The following MYRIP variants were observed in gnomAD, a reference collection of about 807,000 sequenced individuals.
MYRIP encodes rab effector MyRIP.
A neutral mutation model predicts 98.0 loss-of-function variants in MYRIP; 49 were observed. The ratio of observed to expected loss-of-function variants is 0.50; its 90% CI spans 0.40 to 0.63. MYRIP has a LOEUF of 0.63. Among genes scored for constraint, MYRIP ranks in the 30% least tolerant of loss-of-function variants. The probability of loss-of-function intolerance (pLI) is 0.00; values close to 1 mark genes in which losing one functional copy is unlikely to be tolerated. For synonymous variants in MYRIP, 404 were observed against 409.5 expected (o/e 0.99, Z 0.16); for missense variants, 1,004 against 1,058.2 (o/e 0.95, Z 0.71).
chr3:39,997,346 A>G (rs7650152), intron 2 of MYRIP, among the ~76,000 whole-genome samples: 73,441 of 151,460 alleles, frequency 0.48, 18,977 homozygotes, highest in African/African-American at 0.69. Flanking sequence ...AAATGATAAA[A>G]GGGATATCAC....
At chr3:39,887,472 C>A (rs1003439279) in intron 1 of MYRIP, among the ~76,000 whole-genome samples, 2 of 152,050 alleles carry the variant, frequency 1.3e-5, no homozygotes, top group African/African-American at 4.8e-5. Context: ...TGACAAAATT[C>A]AACAATGCTT....
intron 3 of MYRIP, among the ~76,000 whole-genome samples, chr3:40,126,602 A>T (rs1244023235): frequency 6.6e-6 from 1 of 152,216 alleles, no homozygotes; most frequent in Admixed American, 6.5e-5. Flanking sequence ...TATTCTCGTC[A>T]TTTGTATCTG....
intron 2 of MYRIP, among the ~76,000 whole-genome samples, chr3:39,935,697 G>T (rs1042079697): frequency 9.2e-5 from 14 of 152,144 alleles, no homozygotes; most frequent in African/African-American, 2.9e-4. Context: ...AGTCAATGCA[G>T]AGATGTTACT....
chr3:39,924,394 T>C (rs894976786), intron 2 of MYRIP, among the ~76,000 whole-genome samples: 4 of 152,064 alleles, frequency 2.6e-5, no homozygotes, highest in African/African-American at 9.7e-5. Context: ...GAGAGGGGCA[T>C]TGCATAATGA....
chr3:40,059,415 C>A (rs916863982), intron 3 of MYRIP, among the ~76,000 whole-genome samples: 1 of 152,178 alleles, frequency 6.6e-6, no homozygotes, highest in African/African-American at 2.4e-5. Context: ...TAAAAGCGTT[C>A]CTGTTTCTCC....
chr3:39,933,386 A>T (rs1193889899), intron 2 of MYRIP, among the ~76,000 whole-genome samples: 1 of 152,230 alleles, frequency 6.6e-6, no homozygotes, highest in Non-Finnish European at 1.5e-5. Context: ...ATCTGTTAGA[A>T]TCACAAAATC....
intron 13 of MYRIP, among the ~76,000 whole-genome samples, chr3:40,247,098 G>C (rs1215912000): frequency 7.2e-5 from 11 of 152,168 alleles, no homozygotes. Flanking sequence ...GATTTTGCAG[G>C]AAGTAATATT....
intron 12 of MYRIP, chr3:40,242,449 C>T (rs1414492483): frequency 6.6e-6 from 1 of 151,112 alleles, no homozygotes; most frequent in Non-Finnish European, 1.5e-5. Context: ...AACATTCTGG[C>T]CTTGCTGAGG....
intron 4 of MYRIP, among the ~76,000 whole-genome samples, chr3:40,158,848 G>C (rs1301561980): frequency 2.1e-4 from 31 of 149,260 alleles, no homozygotes; most frequent in Middle Eastern, 6.9e-3. Context: ...CCATTTGCTT[G>C]GTAGATCTTC....
intron 2 of MYRIP, among the ~76,000 whole-genome samples, chr3:40,004,311 A>G (rs534035795): frequency 2.6e-5 from 4 of 152,264 alleles, no homozygotes; most frequent in African/African-American, 9.6e-5. Context: ...ATGCCCAGGA[A>G]GGGTTTCCAC....
At chr3:39,973,342 A>C (rs940980499) in intron 2 of MYRIP, among the ~76,000 whole-genome samples, 1 of 151,940 alleles carries the variant, frequency 6.6e-6, no homozygotes, top group Non-Finnish European at 1.5e-5. Context: ...AATTCAACAA[A>C]AAGAGCTAAC....
chr3:40,111,566 A>G (rs1276412510), intron 3 of MYRIP, among the ~76,000 whole-genome samples: 1 of 152,080 alleles, frequency 6.6e-6, no homozygotes, highest in African/African-American at 2.4e-5. Flanking sequence ...TGTTGATGGG[A>G]CTGATGAGTA....
At chr3:39,946,615 C>T (rs2125714035) in intron 2 of MYRIP, among the ~76,000 whole-genome samples, 1 of 152,294 alleles carries the variant, frequency 6.6e-6, no homozygotes. Context: ...TGGAAGACAG[C>T]AGAGACCTCA....
chr3:39,996,942 G>A (rs28770040), intron 2 of MYRIP, among the ~76,000 whole-genome samples: 15,479 of 152,030 alleles, frequency 0.1, 1,925 homozygotes, highest in African/African-American at 0.29. Flanking sequence ...TACTGGGTAC[G>A]TAACAAAATG....
intron 3 of MYRIP, among the ~76,000 whole-genome samples, chr3:40,149,238 A>G (rs1002313019): frequency 6.6e-6 from 1 of 152,206 alleles, no homozygotes; most frequent in Non-Finnish European, 1.5e-5. Flanking sequence ...TGTGTGTCAC[A>G]TGGTGAGAGA....
chr3:40,211,888 G>A (rs1402651272), intron 11 of MYRIP, among the ~76,000 whole-genome samples: 1 of 151,788 alleles, frequency 6.6e-6, no homozygotes, highest in East Asian at 1.9e-4. Flanking sequence ...GCTACTGGGG[G>A]GACTTCCTGG....
chr3:40,167,342 G>GT, intron 7 of MYRIP, 103 bp downstream of exon 7: 1 of 1,027,394 alleles, frequency 9.7e-7, no homozygotes, highest in Non-Finnish European at 1.5e-6. Flanking sequence ...CTCTAGCACT[G>GT]TATCTTCTGT....
intron 1 of MYRIP, among the ~76,000 whole-genome samples, chr3:39,848,036 C>T (rs1043094999): frequency 6.6e-5 from 10 of 152,186 alleles, no homozygotes; most frequent in Non-Finnish European, 1.3e-4. Flanking sequence ...GAGGGTACTG[C>T]AAAAGCTTCC....
intron 8 of MYRIP, 58 bp from the exon 9 acceptor site, chr3:40,182,162 A>G: frequency 6.7e-7 from 1 of 1,481,810 alleles, no homozygotes; most frequent in South Asian, 1.4e-5. Flanking sequence ...AGGTGAAGGC[A>G]CACCTCCCAG....
Sources: allele counts gnomAD v4.1 joint callset (sites outside exome capture counted in the v4.1 genomes callset), GRCh38; gene constraint gnomAD v4.1.1; transcripts MANE v1.5; gene names NCBI Gene and HGNC (gene_info 2026-07-23, HGNC 2026-07-21).